Variants in DLGAP2 observed in about 807,000 individuals in gnomAD.
DLGAP2 encodes disks large-associated protein 2.
A neutral mutation model predicts 100.3 loss-of-function variants in DLGAP2; 26 were observed. The ratio of observed to expected loss-of-function variants is 0.26; its 90% CI spans 0.19 to 0.36. The LOEUF (loss-of-function observed/expected upper bound fraction) is 0.36. DLGAP2 is among the 10% of genes least tolerant of loss of function. The pLI, the probability that DLGAP2 is intolerant of heterozygous loss-of-function variation, is 1.00. For missense variants in DLGAP2, 1,858 were observed against 1,453.2 expected, an observed-to-expected ratio of 1.28 and a Z score of -4.53; for synonymous variants, 886 against 630.1, an observed-to-expected ratio of 1.41 and a Z score of -6.08.
chr8:832,309 A>T (rs1479122209), intron 1 of DLGAP2, among the ~76,000 whole-genome samples: 1 of 152,232 alleles, frequency 6.6e-6, no homozygotes, highest in Non-Finnish European at 1.5e-5. Flanking sequence ...CCTGAATGGT[A>T]CTGCCTAGGT....
intron 1 of DLGAP2, among the ~76,000 whole-genome samples, chr8:817,978 C>T (rs940388966): frequency 3.3e-5 from 5 of 152,130 alleles, no homozygotes; most frequent in African/African-American, 1.2e-4. Context: ...GCTGTGGTCC[C>T]ATAGGGAGGA....
intron 3 of DLGAP2, among the ~76,000 whole-genome samples, chr8:1,335,574 G>C (rs912275630): frequency 3.3e-5 from 5 of 152,190 alleles, no homozygotes; most frequent in Non-Finnish European, 5.9e-5. Flanking sequence ...ATTGTTGGTA[G>C]GGCAGGGTGC....
chr8:1,676,386 C>T, intron 10 of DLGAP2, 147 bp from the exon 11 acceptor site: 1 of 746,202 alleles, frequency 1.3e-6, no homozygotes, highest in Admixed American at 2.3e-5. Flanking sequence ...GCATTTCCCT[C>T]TCTGCGGTTT....
chr8:1,186,971 T>G (rs1043517475), intron 2 of DLGAP2, among the ~76,000 whole-genome samples: 27 of 152,212 alleles, frequency 1.8e-4, no homozygotes, highest in African/African-American at 6.5e-4. Flanking sequence ...TCCACATGTT[T>G]CCATCACACC....
intron 1 of DLGAP2, among the ~76,000 whole-genome samples, chr8:895,775 G>C (rs1159151343): frequency 1.3e-5 from 2 of 151,980 alleles, no homozygotes; most frequent in Non-Finnish European, 2.9e-5. Context: ...GCAGTGGTGA[G>C]AGGTGTCAAT....
intron 5 of DLGAP2, among the ~76,000 whole-genome samples, chr8:1,562,459 A>G (rs1584929920): frequency 2.5e-5 from 1 of 39,376 alleles, no homozygotes; most frequent in Non-Finnish European, 4.5e-5. Flanking sequence ...TTGCTGCGGG[A>G]CTGTGTGTTG....
At chr8:1,491,339 C>CTGGAGGCTT (rs1799379131) in intron 3 of DLGAP2, among the ~76,000 whole-genome samples, 3 of 152,158 alleles carry the variant, frequency 2.0e-5, no homozygotes, top group Non-Finnish European at 2.9e-5. Flanking sequence ...GCTCCTGACC[C>CTGGAGGCTT]CGGAGGCTTC....
Position 1,061,914 on chromosome 8 carries a change from A to G in DLGAP2, c.73+153948A>G, listed in dbSNP as rs567388210. Among the ~76,000 whole-genome samples the G allele has an allele frequency of 3.9e-5, 6 of 152,002 alleles. No individual in the cohort carries two copies. The South Asian group carries it at 1.3e-3, about 32-fold the overall frequency. The stretch of plus-strand genomic sequence containing the variant: ...TGCCCACTCACTCTTATAAAGACCC[A>G]TGTCGTCAGCACTGTGACGCTCCCT... On this transcript the variant is annotated intron_variant, in intron 2 of 14. Coordinates refer to ENST00000637795, the MANE Select transcript of DLGAP2 (RefSeq NM_001346810.2).
chr8:1,264,080 C>G (rs975036034), intron 3 of DLGAP2, among the ~76,000 whole-genome samples: 2 of 152,108 alleles, frequency 1.3e-5, no homozygotes, highest in African/African-American at 4.8e-5. Context: ...TGAGTTGACC[C>G]CTGTCCCATG....
At chr8:1,165,540 G>T (rs914726669) in intron 2 of DLGAP2, among the ~76,000 whole-genome samples, 1 of 152,208 alleles carries the variant, frequency 6.6e-6, no homozygotes, top group Admixed American at 6.5e-5. Context: ...GGCATGTGTT[G>T]CCAAGCCTTG....
intron 2 of DLGAP2, among the ~76,000 whole-genome samples, chr8:1,106,897 T>C (rs2129044931): frequency 6.6e-6 from 1 of 152,318 alleles, no homozygotes; most frequent in African/African-American, 2.4e-5. Context: ...TTGGACTCTG[T>C]AGAGGATAAG....
intron 3 of DLGAP2, among the ~76,000 whole-genome samples, chr8:1,344,144 G>GGGGCCCTGTCGTAAGTCCGTGTACTGT (rs1801495328): frequency 5.2e-5 from 7 of 135,066 alleles, no homozygotes; most frequent in South Asian, 2.4e-4. Context: ...CCGTGTACTC[G>GGGGCCCTGTCGTAAGTCCGTGTACTGT]GGGCCCTGTC....
chr8:1,051,874 T>C (rs936528881), intron 2 of DLGAP2, among the ~76,000 whole-genome samples: 3 of 151,854 alleles, frequency 2.0e-5, no homozygotes, highest in African/African-American at 7.3e-5. Flanking sequence ...CTGCTACGGG[T>C]TTTTTCCTTT....
At chr8:1,433,356 A>G (rs931121652) in intron 3 of DLGAP2, among the ~76,000 whole-genome samples, 1 of 152,194 alleles carries the variant, frequency 6.6e-6, no homozygotes. Flanking sequence ...TGCATGGCCT[A>G]CGTGTAGCAC....
intron 5 of DLGAP2, among the ~76,000 whole-genome samples, chr8:1,564,958 T>A (rs1244406204): frequency 6.6e-6 from 1 of 151,640 alleles, no homozygotes; most frequent in East Asian, 1.9e-4. Flanking sequence ...TATATAGTAT[T>A]CATGGTTGCT....
At chr8:1,630,265 T>A (rs776042616) in intron 7 of DLGAP2, among the ~76,000 whole-genome samples, 1 of 152,126 alleles carries the variant, frequency 6.6e-6, no homozygotes, top group African/African-American at 2.4e-5. Context: ...TTCCACTAAT[T>A]GATTGTCCAG....
At chr8:1,293,065 A>T (rs1204069765) in intron 3 of DLGAP2, among the ~76,000 whole-genome samples, 2 of 152,096 alleles carry the variant, frequency 1.3e-5, no homozygotes, top group Non-Finnish European at 2.9e-5. Flanking sequence ...GAGTAAGTCA[A>T]CCTGACCCAC....
At chr8:1,126,791 C>T (rs558556473) in intron 2 of DLGAP2, among the ~76,000 whole-genome samples, 16 of 152,034 alleles carry the variant, frequency 1.1e-4, no homozygotes, top group South Asian at 6.2e-4. Context: ...GGAGACCAGA[C>T]GTGGGTCTGG....
At chr8:881,666 A>ATGTGTGTATATATATATATATATAT in intron 1 of DLGAP2, among the ~76,000 whole-genome samples, 2 of 131,048 alleles carry the variant, frequency 1.5e-5, no homozygotes, top group African/African-American at 5.4e-5. Flanking sequence ...CTTGTGGCTG[A>ATGTGTGTATATATATATATATATAT]ACACACACAC....
Sources: allele counts gnomAD v4.1 joint callset (sites outside exome capture counted in the v4.1 genomes callset), GRCh38; gene constraint gnomAD v4.1.1; transcripts MANE v1.5; gene names NCBI Gene and HGNC (gene_info 2026-07-23, HGNC 2026-07-21).